Variants in CILK1 observed in about 807,000 individuals in gnomAD.
The protein encoded by CILK1 is serine/threonine-protein kinase ICK.
A neutral mutation model predicts 79.2 loss-of-function variants in CILK1; 47 were observed. That is an observed-to-expected ratio of 0.59 (90% CI 0.47 to 0.76). The LOEUF (loss-of-function observed/expected upper bound fraction) is 0.76, where lower values mean the gene tolerates loss of function less well. Ranked by LOEUF, CILK1 falls within the 30% of genes least tolerant of loss-of-function variation. The pLI is 0.00. For synonymous variants in CILK1, 266 were observed against 275.9 expected (o/e 0.96, Z 0.36); for missense variants, 660 against 769.5 (o/e 0.86, Z 1.68).
chr6:53,046,466 C>A (rs535213666), intron 1 of CILK1, among the ~76,000 whole-genome samples: 54 of 152,276 alleles, frequency 3.5e-4, no homozygotes, highest in Admixed American at 1.5e-3. Context: ...TCATTGAAAT[C>A]CAGATAGAGT....
chr6:53,025,654 G>A (rs1428612820), intron 5 of CILK1, among the ~76,000 whole-genome samples: 1 of 152,188 alleles, frequency 6.6e-6, no homozygotes, highest in African/African-American at 2.4e-5. Flanking sequence ...AGGGAAAATG[G>A]CTGGGAAAGA....
At chr6:53,020,499 C>T (rs1208192840) in intron 5 of CILK1, among the ~76,000 whole-genome samples, 1 of 152,194 alleles carries the variant, frequency 6.6e-6, no homozygotes, top group Non-Finnish European at 1.5e-5. Flanking sequence ...TGAGATGCTC[C>T]AAAACCTGAA....
rs1198329226 is a variant in CILK1 at position 53,013,680 on chromosome 6, G to A, written c.1134C>T (p.His378=). The A allele has an allele frequency of 1.2e-6, 2 of 1,614,116 alleles. No individual in the cohort carries two copies. The highest frequency in any genetic ancestry group is 1.7e-5 in the Admixed American group (1 of 60,024). The change falls in exon 9 of 14, where the codon CAC becomes CAT. Residue 378 remains histidine (H), a synonymous_variant. Coordinates refer to ENST00000676107, the MANE Select transcript of CILK1 (RefSeq NM_014920.5). Reference sequence around the variant, plus strand: ...TGCTCACCGACTGTGGATGCTTGTTGTGGAGGGATGGGAAAAGCAACGGGC... The same window carrying A: ...TGCTCACCGACTGTGGATGCTTGTTATGGAGGGATGGGAAAAGCAACGGGC... ...KPSPLLFPSL[H]NKHPQSKITA... is the part of the protein sequence containing the mutation.
chr6:53,053,619 A>T (rs1051369057), intron 1 of CILK1, among the ~76,000 whole-genome samples: 2 of 152,248 alleles, frequency 1.3e-5, no homozygotes, highest in Non-Finnish European at 2.9e-5. Flanking sequence ...TACCAAACTT[A>T]AGGGAAAGCT....
chr6:53,015,995 A>T (rs1279961819), intron 8 of CILK1, 88 bp downstream of exon 8: 1 of 1,321,358 alleles, frequency 7.6e-7, no homozygotes, highest in Non-Finnish European at 1.1e-6. Context: ...TCTCACCCAT[A>T]ATACTAAATA....
intron 10 of CILK1, 38 bp from the exon 11 acceptor site, chr6:53,011,955 A>G (rs751954640): frequency 6.2e-7 from 1 of 1,614,076 alleles, no homozygotes; most frequent in Non-Finnish European, 8.5e-7. Context: ...AGCACGAGAG[A>G]CAGTATGTAT....
intron 5 of CILK1, among the ~76,000 whole-genome samples, chr6:53,028,177 G>A (rs189132732): frequency 1.8e-3 from 269 of 151,422 alleles, no homozygotes; most frequent in African/African-American, 6.1e-3. Flanking sequence ...TTAGCCGGGC[G>A]TGGTGGCATG....
chr6:53,042,983 G>A lies in CILK1; in HGVS notation c.-172-1575C>T, dbSNP rs372734418. Reference sequence around the variant, plus strand: ...TTTCTAGGAACTCTGTACTATTTTTGCAAGTTTTCTGTAAGTCTAAAATTA... The same window carrying A: ...TTTCTAGGAACTCTGTACTATTTTTACAAGTTTTCTGTAAGTCTAAAATTA... On this transcript the variant is annotated intron_variant, in intron 1 of 13. Coordinates refer to ENST00000676107, the MANE Select transcript of CILK1 (RefSeq NM_014920.5). Among the ~76,000 whole-genome samples, 26 of 152,172 alleles carry A rather than the reference G, an allele frequency of 1.7e-4. No homozygotes were observed. The South Asian group carries it at 5.4e-3, about 32-fold the overall frequency.
intron 5 of CILK1, among the ~76,000 whole-genome samples, chr6:53,027,348 CATTA>C (rs1765640945): frequency 6.6e-6 from 1 of 152,176 alleles, no homozygotes; most frequent in South Asian, 2.1e-4. Context: ...AGACCATTTG[CATTA>C]ATTATTTAAT....
Position 53,001,352 on chromosome 6 carries a change from A to C in CILK1, c.*3797T>G, listed in dbSNP as rs566389578. On this transcript the variant is annotated 3_prime_UTR_variant, in exon 14 of 14. Coordinates refer to ENST00000676107, the MANE Select transcript of CILK1 (RefSeq NM_014920.5). ...TGGACCAGGAAATTTTTCCTTACAT[A>C]AGGTTGACATGTTTTAAACACCTTA... 6.6e-6 allele frequency: 1 copy of C among 152,318 alleles called. No individual in the cohort carries two copies. Among genetic ancestry groups the C allele is most frequent in the South Asian group, 2.1e-4 (1 of 4,822 alleles). 9.4% of individuals were successfully genotyped at this position (152,318 alleles called of 1,614,324 possible).
chr6:53,013,799 G>C lies in CILK1; in HGVS notation c.1015C>G (p.Gln339Glu), dbSNP rs2127411388. Residue 339 changes from glutamine to glutamate, a missense_variant, in exon 9 of 14, where the codon CAA (glutamine) becomes GAA (glutamate). Coordinates refer to ENST00000676107, the MANE Select transcript of CILK1 (RefSeq NM_014920.5). ...AGATGCAGAGGGGGCTGGCTGGCTT[G>C]ATGCTGTCGTGAAGAAATTCGTGTG... ...PHTRISSRQH[Q>E]ASQPPLHLTY... 6.2e-7 allele frequency: 1 copy of C among 1,614,172 alleles called. No homozygotes were observed. The highest frequency in any genetic ancestry group is 1.3e-5 in the African/African-American group (1 of 75,038).
intron 1 of CILK1, among the ~76,000 whole-genome samples, chr6:53,059,482 A>G (rs2127477603): frequency 6.6e-6 from 1 of 152,340 alleles, no homozygotes; most frequent in East Asian, 1.9e-4. Context: ...AAGAGGAAAT[A>G]TTATAAGAGA....
At chr6:53,030,191 G>C (rs1765842749) in intron 5 of CILK1, among the ~76,000 whole-genome samples, 1 of 152,188 alleles carries the variant, frequency 6.6e-6, no homozygotes, top group African/African-American at 2.4e-5. Flanking sequence ...AGCCTAACCA[G>C]ACCATCTGTA....
At chr6:53,042,224 A>C (rs1201332949) in intron 1 of CILK1, among the ~76,000 whole-genome samples, 1 of 152,198 alleles carries the variant, frequency 6.6e-6, no homozygotes, top group Non-Finnish European at 1.5e-5. Flanking sequence ...TTTCTTATAC[A>C]ACTAGAGATA....
At chr6:53,011,949 C>A (rs200657596) in intron 10 of CILK1, 32 bp from the exon 11 acceptor site, 23 of 1,613,918 alleles carry the variant, frequency 1.4e-5, no homozygotes, top group Non-Finnish European at 1.9e-5. Context: ...TGGGTCAGCA[C>A]GAGAGACAGT....
intron 5 of CILK1, among the ~76,000 whole-genome samples, chr6:53,020,219 C>G (rs1226128601): frequency 2.0e-5 from 3 of 152,170 alleles, no homozygotes; most frequent in Admixed American, 1.3e-4. Flanking sequence ...TATAGCAGAG[C>G]TCTGGAGGTA....
At chr6:53,040,415 G>C (rs973783655) in intron 2 of CILK1, among the ~76,000 whole-genome samples, 6 of 152,204 alleles carry the variant, frequency 3.9e-5, no homozygotes, top group African/African-American at 1.4e-4. Flanking sequence ...ACATGGCAAG[G>C]AACTGAGGGC....
chr6:53,007,573 G>A (rs946843033), intron 12 of CILK1, among the ~76,000 whole-genome samples: 1 of 152,102 alleles, frequency 6.6e-6, no homozygotes, highest in East Asian at 1.9e-4. Context: ...CCCATATCCC[G>A]CTGGAGAGCA....
chr6:53,054,888 A>G (rs767590306), intron 1 of CILK1, among the ~76,000 whole-genome samples: 4 of 152,210 alleles, frequency 2.6e-5, no homozygotes, highest in Admixed American at 6.5e-5. Flanking sequence ...AGCAGCTCAC[A>G]TCAGGTGCCT....
Sources: allele counts gnomAD v4.1 joint callset (sites outside exome capture counted in the v4.1 genomes callset), GRCh38; gene constraint gnomAD v4.1.1; transcripts MANE v1.5; gene names NCBI Gene and HGNC (gene_info 2026-07-23, HGNC 2026-07-21).